Variants in PCDH15 observed in about 807,000 individuals in gnomAD.
The protein encoded by PCDH15 is protocadherin-15.
A neutral mutation model predicts 178.5 loss-of-function variants in PCDH15; 129 were observed. That is an observed-to-expected ratio of 0.72 (90% CI 0.63 to 0.84). PCDH15 has a LOEUF of 0.84. Ranked by LOEUF, PCDH15 falls within the 40% of genes least tolerant of loss-of-function variation. The probability of loss-of-function intolerance (pLI) is 0.00; values close to 1 mark genes in which losing one functional copy is unlikely to be tolerated. For missense variants in PCDH15, 2,230 were observed against 2,099.9 expected (o/e 1.06, Z -1.21); for synonymous variants, 800 against 732.0 (o/e 1.09, Z -1.50).
At chr10:54,726,501 T>C (rs893107065) in intron 1 of PCDH15, among the ~76,000 whole-genome samples, 2 of 147,462 alleles carry the variant, frequency 1.4e-5, no homozygotes, top group African/African-American at 5.1e-5. Context: ...AATAAAGTGG[T>C]ATGAAACAGG....
rs138586534 is a variant in PCDH15 at position 54,288,268 on chromosome 10, C to T, written c.876+29003G>A. ...CCAGGAGGGAGAGGTTGTGGTAAGC[C>T]GAGATTGTGCCACTGCACTCCAGCT... is the stretch of plus-strand genomic sequence containing the variant. On this transcript the variant is annotated intron_variant, in intron 8 of 37. Transcript: ENST00000644397. Among the ~76,000 whole-genome samples the T allele has an allele frequency of 3.7e-3, 570 of 152,000 alleles. 3 individuals are homozygous for T. The highest frequency in any genetic ancestry group is 0.013 in the African/African-American group (522 of 41,474).
chr10:54,738,142 G>C (rs1287385257), intron 1 of PCDH15, among the ~76,000 whole-genome samples: 1 of 152,070 alleles, frequency 6.6e-6, no homozygotes, highest in Non-Finnish European at 1.5e-5. Context: ...AGTTAAGAAG[G>C]ACAGATCATG....
intron 2 of PCDH15, among the ~76,000 whole-genome samples, chr10:55,554,914 TATGTTATAGC>T (rs1300974821): frequency 6.6e-6 from 1 of 152,026 alleles, no homozygotes; most frequent in Admixed American, 6.6e-5. Flanking sequence ...ACTGGCCAGG[TATGTTATAGC>T]ATGCCTCTAA....
chr10:54,729,100 C>T (rs1382705681), intron 1 of PCDH15, among the ~76,000 whole-genome samples: 1 of 151,548 alleles, frequency 6.6e-6, no homozygotes, highest in Non-Finnish European at 1.5e-5. Flanking sequence ...CAAAAAGAGC[C>T]TGAATAGCCA....
chr10:55,519,462 G>A (rs1047330619), intron 2 of PCDH15, among the ~76,000 whole-genome samples: 4 of 151,934 alleles, frequency 2.6e-5, no homozygotes, highest in South Asian at 4.2e-4. Context: ...CAAGATACAC[G>A]ACCCCTGTGG....
At chr10:54,090,620 G>T (rs2094584410) in intron 15 of PCDH15, among the ~76,000 whole-genome samples, 1 of 147,808 alleles carries the variant, frequency 6.8e-6, no homozygotes, top group African/African-American at 2.5e-5. Flanking sequence ...CTCCAGCCTG[G>T]GCAACAGAGC....
At chr10:54,949,590 A>G (rs1426243904) in intron 2 of PCDH15, among the ~76,000 whole-genome samples, 1 of 152,018 alleles carries the variant, frequency 6.6e-6, no homozygotes, top group Non-Finnish European at 1.5e-5. Flanking sequence ...TATATCGCAT[A>G]GTCAAGATGC....
intron 9 of PCDH15, among the ~76,000 whole-genome samples, chr10:54,216,028 G>C (rs1252266049): frequency 8.8e-6 from 1 of 113,702 alleles, no homozygotes; most frequent in Non-Finnish European, 1.7e-5. Flanking sequence ...GGGCTACAGA[G>C]TGAGACTCCG....
intron 6 of PCDH15, among the ~76,000 whole-genome samples, chr10:54,343,651 A>AG (rs1942687551): frequency 8.8e-6 from 1 of 113,698 alleles, no homozygotes; most frequent in African/African-American, 3.3e-5. Flanking sequence ...TTGCGGGGGG[A>AG]GGTGGGAGGG....
rs114133643 is a variant in PCDH15, at chr10:54,377,890, C to T, written c.318+892G>A. Among the ~76,000 whole-genome samples the T allele has an allele frequency of 7.7e-3, 1,174 of 151,844 alleles. 15 individuals carry two copies. Among genetic ancestry groups the T allele is most frequent in the African/African-American group, 0.027 (1,107 of 41,396 alleles). On this transcript the variant is annotated intron_variant, in intron 4 of 37. Transcript: ENST00000644397. The stretch of plus-strand genomic sequence containing the variant: ...CCTATTAATTTTTTTTTAATTTTTC[C>T]AGAAATGAAACATCCAACTACGTTG...
intron 2 of PCDH15, among the ~76,000 whole-genome samples, chr10:54,598,844 A>G (rs185941855): frequency 8.1e-4 from 124 of 152,280 alleles, no homozygotes; most frequent in African/African-American, 2.7e-3. Flanking sequence ...CCAAGCTGAG[A>G]GCCAAATCAG....
intron 15 of PCDH15, among the ~76,000 whole-genome samples, chr10:54,120,634 T>C (rs558905454): frequency 2.6e-5 from 4 of 152,074 alleles, no homozygotes; most frequent in African/African-American, 4.8e-5. Flanking sequence ...GGGATTACTA[T>C]TCTCATATCA....
intron 11 of PCDH15, among the ~76,000 whole-genome samples, chr10:54,192,032 G>A (rs1170001012): frequency 6.7e-6 from 1 of 148,842 alleles, no homozygotes; most frequent in Admixed American, 6.8e-5. Context: ...AATAATGAAC[G>A]GAGAGAAGGA....
At chr10:54,951,374 C>T (rs1361015018) in intron 2 of PCDH15, among the ~76,000 whole-genome samples, 1 of 151,874 alleles carries the variant, frequency 6.6e-6, no homozygotes, top group East Asian at 1.9e-4. Context: ...TTTAGGTTTC[C>T]TCCATATATT....
At chr10:55,055,505 C>T (rs775873497) in intron 2 of PCDH15, among the ~76,000 whole-genome samples, 8 of 151,950 alleles carry the variant, frequency 5.3e-5, no homozygotes, top group African/African-American at 1.9e-4. Flanking sequence ...ACTCTTCTTG[C>T]GTGAAAACAG....
intron 2 of PCDH15, among the ~76,000 whole-genome samples, chr10:55,036,365 C>A (rs984162265): frequency 6.6e-6 from 1 of 152,130 alleles, no homozygotes; most frequent in East Asian, 1.9e-4. Context: ...ATGCACAAAT[C>A]GCACTAAAGC....
chr10:54,624,807 G>A (rs530948195), intron 2 of PCDH15, among the ~76,000 whole-genome samples: 3 of 152,290 alleles, frequency 2.0e-5, no homozygotes, highest in African/African-American at 7.2e-5. Flanking sequence ...AGGGGTCTAG[G>A]TTGCGTGCTC....
chr10:53,863,123 C>T (rs1032501884), intron 27 of PCDH15, among the ~76,000 whole-genome samples: 1 of 152,086 alleles, frequency 6.6e-6, no homozygotes, highest in Non-Finnish European at 1.5e-5. Flanking sequence ...GATAAATATG[C>T]AAATCTGGTG....
At chr10:55,028,806 C>T (rs140146958) in intron 2 of PCDH15, among the ~76,000 whole-genome samples, 203 of 151,978 alleles carry the variant, frequency 1.3e-3, no homozygotes, top group Non-Finnish European at 2.6e-3. Flanking sequence ...TTTTAAAGAT[C>T]GTACATGTTT....
Sources: gnomAD v4.1 joint callset for allele counts (sites outside exome capture counted in the v4.1 genomes callset) on GRCh38, gnomAD v4.1.1 for gene constraint, MANE v1.5 for transcripts, NCBI Gene and HGNC (gene_info 2026-07-23, HGNC 2026-07-21) for gene names.